AFF1: variants seen among roughly 807,000 people sequenced by gnomAD.
AFF1 encodes the protein ALF transcription elongation factor 1.
Under a neutral mutation model 121.7 loss-of-function variants are expected in AFF1, and 48 were observed. That is an observed-to-expected ratio of 0.39 (90% confidence interval 0.31 to 0.50). The LOEUF (loss-of-function observed/expected upper bound fraction) is 0.50, where lower values mean the gene tolerates loss of function less well. AFF1 is among the 20% of genes least tolerant of loss of function. The pLI is 0.76. For missense variants in AFF1, 1,523 were observed against 1,511.7 expected, an observed-to-expected ratio of 1.01 and a Z score of -0.12; for synonymous variants, 613 against 563.0, an observed-to-expected ratio of 1.09 and a Z score of -1.26.
rs527785303 is a variant in AFF1 at position 86,949,521 on chromosome 4, A to AATTATTATT, written c.38+960_38+968dup. ...ACTTTTATCATAATTTCTATTTATT[A>AATTATTATT]ATTATTATTATTATTATTTTTTTTT... is the stretch of plus-strand genomic sequence containing the variant. On this transcript the variant is annotated intron_variant, in intron 2 of 20. Transcript: ENST00000395146. 117 of 236,512 alleles carry AATTATTATT rather than the reference A, an allele frequency of 4.9e-4. 2 individuals are homozygous for AATTATTATT. The highest frequency in any genetic ancestry group is 1.6e-3 in the East Asian group (10 of 6,404). The allele number at this position is 236,512 out of a possible 1,614,324, so 14.7% of individuals were successfully genotyped here.
At chr4:86,995,374 C>T (rs62306478) in intron 2 of AFF1, among the ~76,000 whole-genome samples, 7 of 148,652 alleles carry the variant, frequency 4.7e-5, no homozygotes, top group Non-Finnish European at 7.4e-5. Context: ...CGAAGCTGGA[C>T]GGTACTGCTG....
At chr4:87,024,841 G>A (rs1288971183) in intron 2 of AFF1, among the ~76,000 whole-genome samples, 1 of 152,120 alleles carries the variant, frequency 6.6e-6, no homozygotes, top group Admixed American at 6.5e-5. Flanking sequence ...TGATCCACCC[G>A]CCTCGGCCTC....
chr4:87,069,207 C>A (rs1377016987), intron 4 of AFF1, among the ~76,000 whole-genome samples: 2 of 151,610 alleles, frequency 1.3e-5, no homozygotes, highest in Non-Finnish European at 2.9e-5. Flanking sequence ...TCGTCCCTTC[C>A]CATGTCCCCT....
At chr4:87,024,949 A>G (rs1268611660) in intron 2 of AFF1, among the ~76,000 whole-genome samples, 1 of 152,080 alleles carries the variant, frequency 6.6e-6, no homozygotes, top group Admixed American at 6.6e-5. Context: ...AGAATAAAAC[A>G]TTTTTCCACC....
intron 2 of AFF1, chr4:86,950,209 G>T: frequency 1.6e-6 from 2 of 1,213,236 alleles, no homozygotes; most frequent in South Asian, 1.2e-5. Flanking sequence ...ACAAAGTTTC[G>T]CTATTGTTGC....
Position 87,140,844 on chromosome 4 carries a change from T to C in AFF1, c.*5143T>C, listed in dbSNP as rs1223496542. On this transcript the variant is annotated 3_prime_UTR_variant, in exon 21 of 21. Coordinates refer to ENST00000395146, the MANE Select transcript of AFF1 (RefSeq NM_001166693.3). ...AAAGAATATGTGATCTGTGAGAGAA[T>C]TATAGTTTTTTTTTAGAAGAAAAAT... 2.7e-5 allele frequency: 5 copies of C among 186,662 alleles called. No homozygotes were observed. Among genetic ancestry groups the C allele is most frequent in the Non-Finnish European group, 5.7e-5 (5 of 88,018 alleles). The allele number at this position is 186,662 out of a possible 1,614,324, so 11.6% of individuals were successfully genotyped here.
chr4:86,965,610 G>GA (rs1480008536), intron 2 of AFF1, among the ~76,000 whole-genome samples: 1 of 151,908 alleles, frequency 6.6e-6, no homozygotes, highest in Non-Finnish European at 1.5e-5. Flanking sequence ...ATGGCTCACA[G>GA]AAAAAAAATA....
chr4:86,956,328 G>A (rs1258387326), intron 2 of AFF1, among the ~76,000 whole-genome samples: 1 of 152,152 alleles, frequency 6.6e-6, no homozygotes, highest in African/African-American at 2.4e-5. Flanking sequence ...GAGAACTGAG[G>A]AAATATTTTT....
At chr4:87,022,582 A>ATATATATATC (rs1316133807) in intron 2 of AFF1, among the ~76,000 whole-genome samples, 5 of 88,600 alleles carry the variant, frequency 5.6e-5, no homozygotes, top group Non-Finnish European at 6.3e-5. Context: ...ATATATATAT[A>ATATATATATC]TCTATCTATA....
At chr4:86,954,956 A>G (rs888856079) in intron 2 of AFF1, among the ~76,000 whole-genome samples, 1 of 152,128 alleles carries the variant, frequency 6.6e-6, no homozygotes, top group Middle Eastern at 3.2e-3. Flanking sequence ...TTATATTAGT[A>G]TATTACTTAT....
At chr4:86,963,576 A>G (rs560091883) in intron 2 of AFF1, among the ~76,000 whole-genome samples, 1 of 152,326 alleles carries the variant, frequency 6.6e-6, no homozygotes, top group Admixed American at 6.5e-5. Context: ...TTCCTAGTCC[A>G]GTATTGTATT....
rs151331978 is a variant in AFF1, at chr4:87,094,117, T to A, written c.1229-798T>A. ...GATTCTGCACCTCAGCCCTGCCCTT[T>A]CCAAACTCAGACCCTCTTCTTCTTG... On this transcript the variant is annotated intron_variant, in intron 7 of 20. Coordinates refer to ENST00000395146, the MANE Select transcript of AFF1 (RefSeq NM_001166693.3). Among the ~76,000 whole-genome samples the A allele has an allele frequency of 3.1e-3, 467 of 152,228 alleles. 3 individuals are homozygous for A. Among genetic ancestry groups the A allele is most frequent in the African/African-American group, 0.011 (448 of 41,526 alleles).
chr4:87,123,611 G>A (rs76778930), intron 12 of AFF1, among the ~76,000 whole-genome samples: 3,069 of 152,286 alleles, frequency 0.02, 114 homozygotes, highest in African/African-American at 0.07. Flanking sequence ...TTCCAAAGGA[G>A]CCTGTGAAGG....
intron 4 of AFF1, among the ~76,000 whole-genome samples, chr4:87,073,797 A>G (rs1016479140): frequency 1.3e-5 from 2 of 152,224 alleles, no homozygotes; most frequent in Admixed American, 1.3e-4. Flanking sequence ...CACTCTCTGC[A>G]ACATAGAATT....
intron 18 of AFF1, 118 bp from the exon 19 acceptor site, chr4:87,132,153 A>G (rs992819760): frequency 4.1e-5 from 48 of 1,170,714 alleles, no homozygotes; most frequent in South Asian, 3.5e-4. Flanking sequence ...GATACTTTAC[A>G]TACTAACTCA....
chr4:87,049,210 C>T (rs1731032069), intron 4 of AFF1, among the ~76,000 whole-genome samples: 1 of 152,002 alleles, frequency 6.6e-6, no homozygotes, highest in Non-Finnish European at 1.5e-5. Context: ...AATGCCCAAC[C>T]ATATGCTTAA....
At position 86,974,933 on chromosome 4, in the gene AFF1, A is replaced by T. The variant is rs575883816; in HGVS notation, c.38+26362A>T. On this transcript the variant is annotated intron_variant, in intron 2 of 20. Coordinates refer to ENST00000395146, the MANE Select transcript of AFF1 (RefSeq NM_001166693.3). Reference sequence around the variant, plus strand: ...TCTTATGAGTGATATTCTCCAGCTAACTGTTGCCTCTTCCATCCCCCTGTG... The same window carrying T: ...TCTTATGAGTGATATTCTCCAGCTATCTGTTGCCTCTTCCATCCCCCTGTG... Among the ~76,000 whole-genome samples, 3 of 152,190 alleles carry T rather than the reference A, an allele frequency of 2.0e-5. No individual in the cohort carries two copies. In the South Asian group the frequency reaches 6.2e-4, roughly 32 times the overall value.
In AFF1 at chr4:87,135,881, G is replaced by A. The variant is rs1729261845; in HGVS notation, c.*180G>A. The A allele has an allele frequency of 4.0e-6, 4 of 994,078 alleles. No homozygotes were observed. Among genetic ancestry groups the A allele is most frequent in the Non-Finnish European group, 1.4e-6 (1 of 733,516 alleles). The allele number at this position is 994,078 out of a possible 1,614,324, so 61.6% of individuals were successfully genotyped here. A position where few individuals can be genotyped will look rare whatever the true frequency, so the allele number is the denominator to read the frequency against. On this transcript the variant is annotated 3_prime_UTR_variant, in exon 21 of 21. Transcript: ENST00000395146. ...AGTGTGATCATTGGTTGGACACTGT[G>A]GTTATGCAGAAGCAGAGATGAGGAG...
At chr4:87,062,887 G>A (rs1226309652) in intron 4 of AFF1, among the ~76,000 whole-genome samples, 1 of 152,044 alleles carries the variant, frequency 6.6e-6, no homozygotes, top group East Asian at 1.9e-4. Context: ...TTTTGTTTTT[G>A]GAAATAATTA....
Sources: gnomAD v4.1 joint callset for allele counts (sites outside exome capture counted in the v4.1 genomes callset) on GRCh38, gnomAD v4.1.1 for gene constraint, MANE v1.5 for transcripts, NCBI Gene and HGNC (gene_info 2026-07-23, HGNC 2026-07-21) for gene names.